Variants in PLPPR3 observed in about 807,000 individuals in gnomAD.
PLPPR3 encodes the protein phospholipid phosphatase related 3.
PLPPR3 carries 14 observed loss-of-function variants against 27.3 expected under a neutral mutation model. The observed-to-expected ratio is 0.51, with a 90% confidence interval of 0.34 to 0.80. The LOEUF (loss-of-function observed/expected upper bound fraction) is 0.80, where lower values mean the gene tolerates loss of function less well. Among genes scored for constraint, PLPPR3 ranks in the 30% least tolerant of loss-of-function variants. The pLI is 0.01. For missense variants in PLPPR3, 1,287 were observed against 1,056.9 expected (o/e 1.22, Z -3.02); for synonymous variants, 671 against 508.0 (o/e 1.32, Z -4.32).
At chr19:823,333 A>G (rs1351810439), upstream of PLPPR3, among the ~76,000 whole-genome samples, 2 of 138,752 alleles carry the variant, frequency 1.4e-5, no homozygotes, top group African/African-American at 2.7e-5. Flanking sequence ...TCCCAGCCAG[A>G]TGGGAGGCTG....
Position 814,768 on chromosome 19 carries a change from G to A in PLPPR3, c.600-19C>T, listed in dbSNP as rs757464685. 9.2e-5 allele frequency: 143 copies of A among 1,561,364 alleles called. No homozygotes were observed. The East Asian group carries it at 1.0e-3, about 11-fold the overall frequency. The stretch of plus-strand genomic sequence containing the variant: ...GGTCTTCCTGTAAGAGGCGTCCAGC[G>A]TGAGCCCCGCCCACCTGGGGACCCC... On this transcript the variant is annotated intron_variant, in intron 5 of 7. Coordinates refer to ENST00000520876, the MANE Select transcript of PLPPR3 (RefSeq NM_001270366.2).
intron 2 of PLPPR3, among the ~76,000 whole-genome samples, chr19:820,346 C>T (rs1465812247): frequency 6.6e-6 from 1 of 151,946 alleles, no homozygotes; most frequent in Admixed American, 6.6e-5. Flanking sequence ...ACACGCCCAA[C>T]TAATATTTTA....
rs1273742557 is a variant in PLPPR3, at chr19:816,604, T to TC, written c.76-754dup. 2.5e-5 allele frequency among the ~76,000 whole-genome samples: 3 copies of TC among 119,636 alleles called. No individual in the cohort carries two copies. The East Asian group carries it at 7.6e-4, about 30-fold the overall frequency. The allele number at this position is 119,636 out of a possible 152,430, so 78.5% of individuals were successfully genotyped here. ...ATTCATTCATCTATCCATCCATCCA[T>TC]CATCCACCCATTCATCATCCAGCCA... On this transcript the variant is annotated intron_variant, in intron 2 of 7. Coordinates refer to ENST00000520876, the MANE Select transcript of PLPPR3 (RefSeq NM_001270366.2).
Position 814,963 on chromosome 19 carries a change from GC to G in PLPPR3, c.521del (p.Gly174AlafsTer60). On this transcript the variant is annotated frameshift_variant, in exon 5 of 8. Transcript: ENST00000520876. LOFTEE classifies it high-confidence loss of function. ...TGTAGGGGTTGACCTCGCAGGACGT[GC>G]CCAGGAGAGTGTAGTTGGGCTTGCA... ...TVCKPNYTLLGTSCEVNPYIT... is the reference protein window; with the variant it reads ...TVCKPNYTLLXTSCEVNPYIT... The G allele has an allele frequency of 6.2e-7, 1 of 1,612,572 alleles. No individual in the cohort carries two copies. Among genetic ancestry groups the G allele is most frequent in the Non-Finnish European group, 8.5e-7 (1 of 1,179,962 alleles).
intron 2 of PLPPR3, among the ~76,000 whole-genome samples, chr19:817,758 G>A (rs956818215): frequency 5.9e-5 from 9 of 152,204 alleles, no homozygotes; most frequent in African/African-American, 2.2e-4. Context: ...TTCATTGAGT[G>A]CCTGTTGCAT....
Position 812,658 on chromosome 19 carries a change from G to T in PLPPR3, c.2069C>A (p.Ala690Glu), listed in dbSNP as rs3746136. 2 of 1,071,122 alleles carry T rather than the reference G, an allele frequency of 1.9e-6. No homozygotes were observed. The highest frequency in any genetic ancestry group is 3.5e-5 in the African/African-American group (2 of 57,268). The allele number at this position is 1,071,122 out of a possible 1,614,324, so 66.4% of individuals were successfully genotyped here. A position where few individuals can be genotyped will look rare whatever the true frequency, so the allele number is the denominator to read the frequency against. Reference sequence around the variant, plus strand: ...GCGCTCCGCCAGCCCCAGGCCGCCCGCGTGGCGCCGCAGCGTGGACTCCCG... The same window carrying T: ...GCGCTCCGCCAGCCCCAGGCCGCCCTCGTGGCGCCGCAGCGTGGACTCCCG... ...GSRESTLRRH[A>E]GGLGLAEREA... The change falls in exon 8 of 8, where the codon GCG becomes GAG. Residue 690 changes from alanine to glutamate, a missense_variant. Coordinates refer to ENST00000520876, the MANE Select transcript of PLPPR3 (RefSeq NM_001270366.2).
Position 812,822 on chromosome 19 carries a change from CG to C in PLPPR3, c.1904del (p.Pro635ArgfsTer107), listed in dbSNP as rs1271163488. 4 of 1,108,362 alleles carry C rather than the reference CG, an allele frequency of 3.6e-6. No individual in the cohort carries two copies. Among genetic ancestry groups the C allele is most frequent in the East Asian group, 5.5e-5 (1 of 18,096 alleles). 68.7% of individuals were successfully genotyped at this position (1,108,362 alleles called of 1,614,324 possible). A position where few individuals can be genotyped will look rare whatever the true frequency, so the allele number is the denominator to read the frequency against. ...TGACCGACGAGCCGGGGGACACGCC[CG>C]GGGGCTTGGCCCCGCCGCGGAAGCC... ...ARGFRGGAKP[P>X]GVSPGSSVSD... On this transcript the variant is annotated frameshift_variant, in exon 8 of 8. Transcript: ENST00000520876. LOFTEE classifies it low-confidence loss of function (END_TRUNC).
At chr19:815,428 T>G in intron 3 of PLPPR3, 101 bp from the exon 4 acceptor site, 1 of 1,330,438 alleles carries the variant, frequency 7.5e-7, no homozygotes, top group Non-Finnish European at 9.8e-7. Flanking sequence ...CAGGCCCCGG[T>G]GTGGATGTTC....
upstream of PLPPR3, among the ~76,000 whole-genome samples, chr19:822,364 C>T (rs894284396): frequency 6.6e-6 from 1 of 151,212 alleles, no homozygotes; most frequent in Non-Finnish European, 1.5e-5. Context: ...TCGCCGGCTC[C>T]GACTGCCCCC....
rs773132403 is a variant in PLPPR3, at chr19:813,023, C to T, written c.1704G>A (p.Gln568=). 1 of 1,519,882 alleles carries T rather than the reference C, an allele frequency of 6.6e-7. No homozygotes were observed. The highest frequency in any genetic ancestry group is 1.2e-5 in the South Asian group (1 of 83,882). The allele number at this position is 1,519,882 out of a possible 1,614,324, so 94.1% of individuals were successfully genotyped here. A position where few individuals can be genotyped will look rare whatever the true frequency, so the allele number is the denominator to read the frequency against. Residue 568 remains glutamine, a synonymous_variant, in exon 8 of 8, where the codon CAG becomes CAA. Transcript: ENST00000520876. The surrounding 1 kb of genome is among the most constrained non-coding windows in gnomAD (Gnocchi z 4.1). Reference sequence around the variant, plus strand: ...AGTCGCGGTCCGACGGCGACCGGTACTGCGAGGAGTCGGAGCTGGCGCTGG... The same window carrying T: ...AGTCGCGGTCCGACGGCGACCGGTATTGCGAGGAGTCGGAGCTGGCGCTGG... ...SSSSASSDSS[Q]YRSPSDRDSA... is the part of the protein sequence containing the mutation.
chr19:815,612 G>C (rs926359109), intron 3 of PLPPR3, 54 bp downstream of exon 3: 176 of 1,501,774 alleles, frequency 1.2e-4, no homozygotes, highest in Non-Finnish European at 1.5e-4. Context: ...GGCGGGGGTG[G>C]GCTCCCAGCC....
At chr19:819,934 T>G (rs960817925) in intron 2 of PLPPR3, among the ~76,000 whole-genome samples, 1 of 152,032 alleles carries the variant, frequency 6.6e-6, no homozygotes, top group Non-Finnish European at 1.5e-5. Flanking sequence ...CTCCGCCACC[T>G]GGGCTCAAGT....
rs2034981851 is a variant in PLPPR3 at position 813,427 on chromosome 19, C to G, written c.1300G>C (p.Ala434Pro). Residue 434 changes from alanine to proline, a missense_variant, in exon 8 of 8, where the codon GCG becomes CCG. Ala to Pro is a conservative substitution (Grantham distance 27, BLOSUM62 -1). Coordinates refer to ENST00000520876, the MANE Select transcript of PLPPR3 (RefSeq NM_001270366.2). This position sits in a 1 kb window ranked among gnomAD's most constrained non-coding sequence, Gnocchi z 4.1. ...PDDASPGHLRAPAEPMAEEEE... is the reference protein window; with the variant it reads ...PDDASPGHLRPPAEPMAEEEE... The stretch of plus-strand genomic sequence containing the variant: ...TCCTCCGCCATGGGTTCGGCGGGCG[C>G]GCGCAGGTGCCCGGGGCTGGCGTCG... The G allele has an allele frequency of 6.6e-7, 1 of 1,509,622 alleles. No individual in the cohort carries two copies. The highest frequency in any genetic ancestry group is 1.4e-5 in the African/African-American group (1 of 71,314). The allele number at this position is 1,509,622 out of a possible 1,614,324, so 93.5% of individuals were successfully genotyped here.
intron 3 of PLPPR3, 68 bp from the exon 4 acceptor site, chr19:815,395 T>C (rs1402682272): frequency 1.4e-6 from 2 of 1,469,318 alleles, no homozygotes; most frequent in Non-Finnish European, 1.8e-6. Flanking sequence ...CGGGCTCCCA[T>C]CTGCAGTGCC....
rs865983853 is a variant in PLPPR3, at chr19:813,469, C to T, written c.1258G>A (p.Gly420Ser). Residue 420 changes from glycine to serine, a missense_variant, in exon 8 of 8, where the codon GGC (glycine) becomes AGC (serine). Gly to Ser is a moderately conservative substitution (Grantham distance 56, BLOSUM62 0). Transcript: ENST00000520876. The surrounding 1 kb of genome is among the most constrained non-coding windows in gnomAD (Gnocchi z 4.1). ...EWKQKSLEGR[G>S]LGLPDDASPG... ...CTGGCGTCGTCGGGCAGCCCCAGGC[C>T]GCGGCCCTCCAGGCTCTTCTGCTTC... 3 of 1,538,026 alleles carry T rather than the reference C, an allele frequency of 2.0e-6. No homozygotes were observed. The highest frequency in any genetic ancestry group is 1.2e-5 in the South Asian group (1 of 84,068).
chr19:814,219 C>T (rs1426319942), intron 7 of PLPPR3, among the ~76,000 whole-genome samples: 1 of 149,892 alleles, frequency 6.7e-6, no homozygotes, highest in Admixed American at 6.6e-5. Flanking sequence ...CCCATGCCTC[C>T]CCCCTCAGAC....
Position 813,489 on chromosome 19 carries a change from T to G in PLPPR3, c.1238A>C (p.Gln413Pro). ...RSKQLISEWK[Q>P]KSLEGRGLGL... is the part of the protein sequence containing the mutation. ...CAGGCCGCGGCCCTCCAGGCTCTTC[T>G]GCTTCCACTCGCTGATGAGCTGCTT... is the stretch of plus-strand genomic sequence containing the variant. The change falls in exon 8 of 8, where the codon CAG becomes CCG. Residue 413 changes from glutamine (Q) to proline (P), a missense_variant. Gln to Pro is a moderately conservative substitution (Grantham distance 76). Coordinates refer to ENST00000520876, the MANE Select transcript of PLPPR3 (RefSeq NM_001270366.2). The surrounding 1 kb of genome is among the most constrained non-coding windows in gnomAD (Gnocchi z 4.1). 3.2e-6 allele frequency: 5 copies of G among 1,549,746 alleles called. No homozygotes were observed. The highest frequency in any genetic ancestry group is 4.3e-6 in the Non-Finnish European group (5 of 1,151,544).
In PLPPR3 at chr19:814,992, C is replaced by T. The variant is rs769286135; in HGVS notation, c.493G>A (p.Val165Ile). The stretch of plus-strand genomic sequence containing the variant: ...AGGAGAGTGTAGTTGGGCTTGCAGA[C>T]GGTGAGGAAGAAGGGAGTGTGGTAA... The part of the protein sequence containing the change: ...TGYHTPFFLT[V>I]CKPNYTLLGT... The change falls in exon 5 of 8, where the codon GTC (valine) becomes ATC (isoleucine). Residue 165 changes from valine (V) to isoleucine (I), a missense_variant. Coordinates refer to ENST00000520876, the MANE Select transcript of PLPPR3 (RefSeq NM_001270366.2). 18 of 1,612,178 alleles carry T rather than the reference C, an allele frequency of 1.1e-5. No individual in the cohort carries two copies. Among genetic ancestry groups the T allele is most frequent in the East Asian group, 2.2e-5 (1 of 44,882 alleles).
At chr19:822,902 C>T (rs2035169857), upstream of PLPPR3, among the ~76,000 whole-genome samples, 1 of 151,514 alleles carries the variant, frequency 6.6e-6, no homozygotes, top group African/African-American at 2.4e-5. Flanking sequence ...GGGCGGATCA[C>T]GAGGGCAGGA....
Sources: allele counts gnomAD v4.1 joint callset (sites outside exome capture counted in the v4.1 genomes callset), GRCh38; gene constraint gnomAD v4.1.1; non-coding constraint Gnocchi (gnomAD v3.1); transcripts MANE v1.5; gene names NCBI Gene and HGNC (gene_info 2026-07-23, HGNC 2026-07-21).